Variants in ACTL9 observed in about 807,000 individuals in gnomAD.
ACTL9 encodes the protein actin like 9.
In ACTL9, 1 loss-of-function variant was observed where a neutral mutation model predicts 0.9. The observed-to-expected ratio is 1.10, with a 90% CI of 0.39 to 5.23. The LOEUF is 5.23. Among genes scored for constraint, ACTL9 ranks in the 30% most tolerant of loss-of-function variants. ACTL9 has a pLI of 0.16. For synonymous variants in ACTL9, 283 were observed against 269.5 expected, an observed-to-expected ratio of 1.05 and a Z score of -0.49; for missense variants, 597 against 566.8, an observed-to-expected ratio of 1.05 and a Z score of -0.54.
Position 8,698,132 on chromosome 19 carries a change from A to G in ACTL9, c.570T>C (p.Arg190=). 2 of 1,606,492 alleles carry G rather than the reference A, an allele frequency of 1.2e-6. No homozygotes were observed. Among genetic ancestry groups the G allele is most frequent in the Non-Finnish European group, 1.7e-6 (2 of 1,179,938 alleles). Residue 190 remains arginine, a synonymous_variant, in exon 1 of 1, where the codon CGT becomes CGC. Coordinates refer to ENST00000324436, the MANE Select transcript of ACTL9 (RefSeq NM_178525.5). The part of the protein sequence containing the change: ...QSVLSVYAHG[R]VSGLVVDTGH... ...CCGTGTCCACCACCAGCCCGCTGAC[A>G]CGACCGTGGGCGTAGACAGACAGCA...
At position 8,697,799 on chromosome 19, in the gene ACTL9, C is replaced by CAGCA; in HGVS notation, c.899_902dup (p.Phe302AlafsTer129). On this transcript the variant is annotated frameshift_variant, in exon 1 of 1. Transcript: ENST00000324436. LOFTEE classifies it low-confidence loss of function (END_TRUNC). This position sits in a 1 kb window ranked among gnomAD's most constrained non-coding sequence, Gnocchi z 4.3. ...GCCCCGGGACCTCTGGGGGGTTGAACAGCAGCTCCGGACACTGGAACAGCT... is the reference window on the plus strand; with the variant it reads ...GCCCCGGGACCTCTGGGGGGTTGAACAGCAAGCAGCTCCGGACACTGGAACAGCT... The CAGCA allele has an allele frequency of 6.2e-7, 1 of 1,613,174 alleles. No individual in the cohort carries two copies. The highest frequency in any genetic ancestry group is 2.2e-5 in the East Asian group (1 of 44,884).
chr19:8,698,013 G>A lies in ACTL9; in HGVS notation c.689C>T (p.Ala230Val), dbSNP rs1232950984. The change falls in exon 1 of 1, where the codon GCC becomes GTC. Residue 230 changes from alanine (A) to valine (V), a missense_variant. Coordinates refer to ENST00000324436, the MANE Select transcript of ACTL9 (RefSeq NM_178525.5). ...CTGGAGCAGCATCTCCGCCAGGAAG[G>A]CGGTCAGGTTGTTGCCCGCCAGGTC... is the stretch of plus-strand genomic sequence containing the variant. ...RLDLAGNNLTAFLAEMLLQAG... is the reference protein window; with the variant it reads ...RLDLAGNNLTVFLAEMLLQAG... 1 of 1,603,724 alleles carries A rather than the reference G, an allele frequency of 6.2e-7. No homozygotes were observed.
chr19:8,698,662 A>T lies in ACTL9; in HGVS notation c.40T>A (p.Ser14Thr), dbSNP rs781963529. 1 of 1,556,934 alleles carries T rather than the reference A, an allele frequency of 6.4e-7. No homozygotes were observed. The highest frequency in any genetic ancestry group is 1.2e-5 in the South Asian group (1 of 85,682). The change falls in exon 1 of 1, where the codon TCC (serine) becomes ACC (threonine). Residue 14 changes from serine (S) to threonine (T), a missense_variant. By Grantham distance (58) the Ser-to-Thr change is moderately conservative. Transcript: ENST00000324436. Reference sequence around the variant, plus strand: ...GGGCCGGGCCTGGGGGCCTCCAGGGAGGACTGGGATTCCGAGGACTTGGGG... The same window carrying T: ...GGGCCGGGCCTGGGGGCCTCCAGGGTGGACTGGGATTCCGAGGACTTGGGG... ...SRPKSSESQS[S>T]LEAPRPGPNP...
chr19:8,698,407 C>G lies in ACTL9; in HGVS notation c.295G>C (p.Gly99Arg). Residue 99 changes from glycine (G) to arginine (R), a missense_variant, in exon 1 of 1, where the codon GGC becomes CGC. Physicochemically the swap from Gly to Arg is moderately radical, Grantham distance 125. Transcript: ENST00000324436. Reference sequence around the variant, plus strand: ...TCTGGGAGCACGCGGGCTGCCTCGCCGATGAACGTCTGCAGCCCGGACTGC... The same window carrying G: ...TCTGGGAGCACGCGGGCTGCCTCGCGGATGAACGTCTGCAGCCCGGACTGC... The part of the protein sequence containing the change: ...SGQSGLQTFI[G>R]EAARVLPELT... 11 of 1,516,336 alleles carry G rather than the reference C, an allele frequency of 7.3e-6. No individual in the cohort carries two copies. The highest frequency in any genetic ancestry group is 8.8e-6 in the Non-Finnish European group (10 of 1,131,644). 93.9% of individuals were successfully genotyped at this position (1,516,336 alleles called of 1,614,324 possible). A position where few individuals can be genotyped will look rare whatever the true frequency, so the allele number is the denominator to read the frequency against.
chr19:8,698,359 G>A lies in ACTL9; in HGVS notation c.343C>T (p.Arg115Cys), dbSNP rs1314101082. 6.6e-7 allele frequency: 1 copy of A among 1,517,718 alleles called. No homozygotes were observed. The highest frequency in any genetic ancestry group is 1.3e-5 in the South Asian group (1 of 76,228). The allele number at this position is 1,517,718 out of a possible 1,614,324, so 94.0% of individuals were successfully genotyped here. A position where few individuals can be genotyped will look rare whatever the true frequency, so the allele number is the denominator to read the frequency against. ...TCCCAGTCCACGACGATGCCGCTGC[G>A]CAGGGGTTGCACCAGCGTCAGCTCT... ...LPELTLVQPL[R>C]SGIVVDWDAA... Residue 115 changes from arginine (R) to cysteine (C), a missense_variant, in exon 1 of 1, where the codon CGC (arginine) becomes TGC (cysteine). Coordinates refer to ENST00000324436, the MANE Select transcript of ACTL9 (RefSeq NM_178525.5).
rs139329295 is a variant in ACTL9, at chr19:8,698,080, C to T, written c.622G>A (p.Val208Ile). The T allele has an allele frequency of 7.5e-6, 12 of 1,602,112 alleles. No individual in the cohort carries two copies. The highest frequency in any genetic ancestry group is 1.3e-5 in the African/African-American group (1 of 74,936). The change falls in exon 1 of 1, where the codon GTC becomes ATC. Residue 208 changes from valine (V) to isoleucine (I), a missense_variant. By Grantham distance (29) the Val-to-Ile change is conservative. Transcript: ENST00000324436. ...TGGAGCAGGTTGTAGCCCTGGAAGACGGGCACTGTGTAGGTGACCCCGTGT... is the reference window on the plus strand; with the variant it reads ...TGGAGCAGGTTGTAGCCCTGGAAGATGGGCACTGTGTAGGTGACCCCGTGT... ...TGHGVTYTVPVFQGYNLLHAT... is the reference protein window; with the variant it reads ...TGHGVTYTVPIFQGYNLLHAT...
chr19:8,698,242 T>A lies in ACTL9; in HGVS notation c.460A>T (p.Ser154Cys). Residue 154 changes from serine to cysteine, a missense_variant, in exon 1 of 1, where the codon AGC becomes TGC. Physicochemically the swap from Ser to Cys is moderately radical, Grantham distance 112. Transcript: ENST00000324436. ...AGCTTCTCGCGGTTGGTGGCCGGGC[T>A]GAAGGGTGGGTCGGAGAACAGCAGC... ...HPLLFSDPPF[S>C]PATNREKLVE... 1 of 1,581,598 alleles carries A rather than the reference T, an allele frequency of 6.3e-7. No homozygotes were observed. The highest frequency in any genetic ancestry group is 8.6e-7 in the Non-Finnish European group (1 of 1,162,136).
chr19:8,698,099 C>T lies in ACTL9; in HGVS notation c.603G>A (p.Gly201=). 1.2e-6 allele frequency: 2 copies of T among 1,603,104 alleles called. No homozygotes were observed. Among genetic ancestry groups the T allele is most frequent in the Non-Finnish European group, 1.7e-6 (2 of 1,179,950 alleles). The change falls in exon 1 of 1, where the codon GGG becomes GGA. Residue 201 remains glycine, a synonymous_variant. Coordinates refer to ENST00000324436, the MANE Select transcript of ACTL9 (RefSeq NM_178525.5). The part of the protein sequence containing the change: ...VSGLVVDTGH[G]VTYTVPVFQG... ...GGAAGACGGGCACTGTGTAGGTGACCCCGTGTCCCGTGTCCACCACCAGCC... is the reference window on the plus strand; with the variant it reads ...GGAAGACGGGCACTGTGTAGGTGACTCCGTGTCCCGTGTCCACCACCAGCC...
Position 8,698,069 on chromosome 19 carries a change from GC to G in ACTL9, c.632del (p.Gly211AlafsTer18), listed in dbSNP as rs1555753387. 1 of 1,601,818 alleles carries G rather than the reference GC, an allele frequency of 6.2e-7. No individual in the cohort carries two copies. The highest frequency in any genetic ancestry group is 8.5e-7 in the Non-Finnish European group (1 of 1,179,938). ...GVTYTVPVFQ[G>X]YNLLHATERL... ...GCTCCGTGGCGTGGAGCAGGTTGTA[GC>G]CCTGGAAGACGGGCACTGTGTAGGT... On this transcript the variant is annotated frameshift_variant, in exon 1 of 1. Coordinates refer to ENST00000324436, the MANE Select transcript of ACTL9 (RefSeq NM_178525.5). LOFTEE classifies it low-confidence loss of function (END_TRUNC).
In ACTL9 at chr19:8,697,891, G is replaced by C. The variant is rs781924239; in HGVS notation, c.811C>G (p.Arg271Gly). Residue 271 changes from arginine (R) to glycine (G), a missense_variant, in exon 1 of 1, where the codon CGG (arginine) becomes GGG (glycine). Transcript: ENST00000324436. The surrounding 1 kb of genome is among the most constrained non-coding windows in gnomAD (Gnocchi z 4.3). ...VASDFQKEQA[R>G]PEQEYKRTLK... ...GTCCGCTTGTACTCCTGCTCCGGCC[G>C]GGCCTGCTCCTTCTGGAAGTCGGAG... The C allele has an allele frequency of 6.2e-7, 1 of 1,613,472 alleles. No homozygotes were observed. The highest frequency in any genetic ancestry group is 8.5e-7 in the Non-Finnish European group (1 of 1,179,964).
At position 8,698,619 on chromosome 19, in the gene ACTL9, A is replaced by G; in HGVS notation, c.83T>C (p.Val28Ala). 1.9e-6 allele frequency: 3 copies of G among 1,606,334 alleles called. No individual in the cohort carries two copies. Among genetic ancestry groups the G allele is most frequent in the Non-Finnish European group, 2.6e-6 (3 of 1,174,828 alleles). ...GTCCCGCTGCAGGGGCTTGTTCACC[A>G]CGTTGGGACTGGGGTTTGGGCCGGG... ...PRPGPNPSPN[V>A]VNKPLQRDSP... Residue 28 changes from valine (V) to alanine (A), a missense_variant, in exon 1 of 1, where the codon GTG becomes GCG. By Grantham distance (64) the Val-to-Ala change is moderately conservative. Coordinates refer to ENST00000324436, the MANE Select transcript of ACTL9 (RefSeq NM_178525.5).
Position 8,698,591 on chromosome 19 carries a change from G to A in ACTL9, c.111C>T (p.Ser37=), listed in dbSNP as rs769047133. ...GCAGCCTGTCGGCCACCATGCCGGG[G>A]GAGTCCCGCTGCAGGGGCTTGTTCA... ...NVVNKPLQRD[S]PGMVADRLPP... Residue 37 remains serine (S), a synonymous_variant, in exon 1 of 1, where the codon TCC becomes TCT. Transcript: ENST00000324436. 2.3e-4 allele frequency: 369 copies of A among 1,612,348 alleles called. No homozygotes were observed. Among genetic ancestry groups the A allele is most frequent in the Non-Finnish European group, 2.5e-4 (293 of 1,178,914 alleles).
At position 8,698,353 on chromosome 19, in the gene ACTL9, C is replaced by T. The variant is rs145751201; in HGVS notation, c.349G>A (p.Gly117Ser). ...ELTLVQPLRS[G>S]IVVDWDAAEL... ...GCGGCATCCCAGTCCACGACGATGC[C>T]GCTGCGCAGGGGTTGCACCAGCGTC... The change falls in exon 1 of 1, where the codon GGC becomes AGC. Residue 117 changes from glycine (G) to serine (S), a missense_variant. Transcript: ENST00000324436. 1 of 1,518,846 alleles carries T rather than the reference C, an allele frequency of 6.6e-7. No homozygotes were observed. Among genetic ancestry groups the T allele is most frequent in the Non-Finnish European group, 8.8e-7 (1 of 1,132,686 alleles). The allele number at this position is 1,518,846 out of a possible 1,614,324, so 94.1% of individuals were successfully genotyped here. A position where few individuals can be genotyped will look rare whatever the true frequency, so the allele number is the denominator to read the frequency against.
In ACTL9 at chr19:8,698,690, A is replaced by T. The variant is rs1555753555; in HGVS notation, c.12T>A (p.Ser4Arg). The T allele has an allele frequency of 2.7e-6, 4 of 1,502,588 alleles. No homozygotes were observed. Among genetic ancestry groups the T allele is most frequent in the Non-Finnish European group, 3.6e-6 (4 of 1,118,566 alleles). The allele number at this position is 1,502,588 out of a possible 1,614,324, so 93.1% of individuals were successfully genotyped here. A position where few individuals can be genotyped will look rare whatever the true frequency, so the allele number is the denominator to read the frequency against. MDA[S>R]RPKSSESQSS... ...ACTGGGATTCCGAGGACTTGGGGCG[A>T]CTTGCATCCATGGTTGCGGGACGCC... Residue 4 changes from serine to arginine, a missense_variant, in exon 1 of 1, where the codon AGT becomes AGA. Transcript: ENST00000324436.
chr19:8,698,309 G>A lies in ACTL9; in HGVS notation c.393C>T (p.His131=). 2 of 1,534,574 alleles carry A rather than the reference G, an allele frequency of 1.3e-6. No homozygotes were observed. The highest frequency in any genetic ancestry group is 3.5e-4 in the Middle Eastern group (2 of 5,672). ...CCACTCGGAGGTCGTGCTCCAGCAG[G>A]TGGCGCCAGATGAGCTCGGCGGCAT... The part of the protein sequence containing the change: ...DWDAAELIWR[H]LLEHDLRVAT... Residue 131 remains histidine (H), a synonymous_variant, in exon 1 of 1, where the codon CAC becomes CAT. Transcript: ENST00000324436.
At position 8,697,591 on chromosome 19, in the gene ACTL9, C is replaced by A; in HGVS notation, c.1111G>T (p.Ala371Ser). The A allele has an allele frequency of 6.2e-7, 1 of 1,613,478 alleles. No homozygotes were observed. Among genetic ancestry groups the A allele is most frequent in the Non-Finnish European group, 8.5e-7 (1 of 1,179,902 alleles). The change falls in exon 1 of 1, where the codon GCT (alanine) becomes TCT (serine). Residue 371 changes from alanine (A) to serine (S), a missense_variant. Ala to Ser is a moderately conservative substitution (Grantham distance 99, BLOSUM62 1). Transcript: ENST00000324436. This position sits in a 1 kb window ranked among gnomAD's most constrained non-coding sequence, Gnocchi z 4.3. ...ALPAETHVVV[A>S]AQPTRNFSVW... is the part of the protein sequence containing the mutation. ...GAGAAATTCCTGGTGGGCTGGGCAG[C>A]CACCACCACGTGGGTCTCGGCTGGC... is the stretch of plus-strand genomic sequence containing the variant.
chr19:8,698,443 C>T lies in ACTL9; in HGVS notation c.259G>A (p.Ala87Thr), dbSNP rs782065532. The change falls in exon 1 of 1, where the codon GCC (alanine) becomes ACC (threonine). Residue 87 changes from alanine to threonine, a missense_variant. Transcript: ENST00000324436. ...TILGCQPKKP[A>T]TSGQSGLQTF... ...TGCAGCCCGGACTGCCCCGAGGTGGCGGGTTTCTTGGGCTGGCAGCCCAGG... is the reference window on the plus strand; with the variant it reads ...TGCAGCCCGGACTGCCCCGAGGTGGTGGGTTTCTTGGGCTGGCAGCCCAGG... The T allele has an allele frequency of 6.6e-6, 10 of 1,525,988 alleles. No individual in the cohort carries two copies. The highest frequency in any genetic ancestry group is 1.8e-4 in the Middle Eastern group (1 of 5,626). 94.5% of individuals were successfully genotyped at this position (1,525,988 alleles called of 1,614,324 possible).
chr19:8,698,289 C>T lies in ACTL9; in HGVS notation c.413G>A (p.Arg138Gln), dbSNP rs782235861. 1.1e-5 allele frequency: 17 copies of T among 1,540,382 alleles called. No individual in the cohort carries two copies. In the South Asian group the frequency reaches 1.4e-4, roughly 12 times the overall value. The part of the protein sequence containing the change: ...IWRHLLEHDL[R>Q]VATHDHPLLF... Reference sequence around the variant, plus strand: ...CAGCGGGTGGTCGTGGGTGGCCACTCGGAGGTCGTGCTCCAGCAGGTGGCG... The same window carrying T: ...CAGCGGGTGGTCGTGGGTGGCCACTTGGAGGTCGTGCTCCAGCAGGTGGCG... Residue 138 changes from arginine (R) to glutamine (Q), a missense_variant, in exon 1 of 1, where the codon CGA becomes CAA. Coordinates refer to ENST00000324436, the MANE Select transcript of ACTL9 (RefSeq NM_178525.5).
In ACTL9 at chr19:8,698,406, C is replaced by CCGA. The variant is rs2043211662; in HGVS notation, c.293_295dup (p.Ile98_Gly99insVal). On this transcript the variant is annotated inframe_insertion, in exon 1 of 1. Transcript: ENST00000324436. Reference sequence around the variant, plus strand: ...CTCTGGGAGCACGCGGGCTGCCTCGCCGATGAACGTCTGCAGCCCGGACTG... The same window carrying CCGA: ...CTCTGGGAGCACGCGGGCTGCCTCGCCGACGATGAACGTCTGCAGCCCGGACTG... 2 of 1,516,590 alleles carry CCGA rather than the reference C, an allele frequency of 1.3e-6. No individual in the cohort carries two copies. The highest frequency in any genetic ancestry group is 1.8e-6 in the Non-Finnish European group (2 of 1,131,936). 93.9% of individuals were successfully genotyped at this position (1,516,590 alleles called of 1,614,324 possible).
Sources: gnomAD v4.1 joint callset for allele counts on GRCh38, gnomAD v4.1.1 for gene constraint, Gnocchi (gnomAD v3.1) non-coding constraint, MANE v1.5 for transcripts, NCBI Gene and HGNC (gene_info 2026-07-23, HGNC 2026-07-21) for gene names.